CISH: variants seen among roughly 807,000 people sequenced by gnomAD.
CISH encodes the protein cytokine inducible SH2 containing protein.
A neutral mutation model predicts 21.3 loss-of-function variants in CISH; 11 were observed. The observed-to-expected ratio is 0.52, with a 90% CI of 0.32 to 0.85. The LOEUF (loss-of-function observed/expected upper bound fraction) is 0.85, where lower values mean the gene tolerates loss of function less well. Ranked by LOEUF, CISH falls within the 40% of genes least tolerant of loss-of-function variation. The pLI is 0.03. For synonymous variants in CISH, 118 were observed against 142.3 expected (o/e 0.83, Z 1.22); for missense variants, 280 against 351.7 (o/e 0.80, Z 1.63).
In CISH at chr3:50,611,647, C is replaced by T. The variant is rs1417143612; in HGVS notation, c.4G>A (p.Val2Ile). The change falls in exon 1 of 3, where the codon GTC (valine) becomes ATC (isoleucine). Residue 2 changes from valine (V) to isoleucine (I), a missense_variant. Physicochemically the swap from Val to Ile is conservative, Grantham distance 29. Transcript: ENST00000348721. ...CGCGCTTACCCCTGAACGCAGAGGA[C>T]CATGTCCCCGCGGCAGCGGCGACTC... M[V>I]LCVQGPRPLL... is the part of the protein sequence containing the mutation. The T allele has an allele frequency of 2.7e-6, 4 of 1,495,264 alleles. No homozygotes were observed. Among genetic ancestry groups the T allele is most frequent in the South Asian group, 1.3e-5 (1 of 78,620 alleles). The allele number at this position is 1,495,264 out of a possible 1,614,324, so 92.6% of individuals were successfully genotyped here. A position where few individuals can be genotyped will look rare whatever the true frequency, so the allele number is the denominator to read the frequency against.
chr3:50,610,167 C>T, intron 1 of CISH: 1 of 602,940 alleles, frequency 1.7e-6, no homozygotes, highest in Non-Finnish European at 2.9e-6. Context: ...TTTGAGATGA[C>T]CTGCTTGCTG....
In CISH at chr3:50,607,341, G is replaced by A; in HGVS notation, c.*266C>T. 2.0e-6 allele frequency: 1 copy of A among 498,534 alleles called. No homozygotes were observed. The highest frequency in any genetic ancestry group is 5.4e-4 in the Middle Eastern group (1 of 1,844). 30.9% of individuals were successfully genotyped at this position (498,534 alleles called of 1,614,324 possible). A position where few individuals can be genotyped will look rare whatever the true frequency, so the allele number is the denominator to read the frequency against. ...GGAGGTCTGGGCCCAGCCCACAGGTGAGACAAGGTCCTGCCTGTCTCCCCA... is the reference window on the plus strand; with the variant it reads ...GGAGGTCTGGGCCCAGCCCACAGGTAAGACAAGGTCCTGCCTGTCTCCCCA... On this transcript the variant is annotated 3_prime_UTR_variant, in exon 3 of 3. Coordinates refer to ENST00000348721, the MANE Select transcript of CISH (RefSeq NM_145071.4).
Position 50,607,869 on chromosome 3 carries a change from C to T in CISH, c.515G>A (p.Arg172Gln), listed in dbSNP as rs374472627. The change falls in exon 3 of 3, where the codon CGA (arginine) becomes CAA (glutamine). Residue 172 changes from arginine (R) to glutamine (Q), a missense_variant. Coordinates refer to ENST00000348721, the MANE Select transcript of CISH (RefSeq NM_145071.4). ...GGGAGCAGGATCGGGGCTGTCGCTT[C>T]GGGTATCAGCAGTGCAGGAGGCCAC... ...HYVASCTADT[R>Q]SDSPDPAPTP... 15 of 1,613,620 alleles carry T rather than the reference C, an allele frequency of 9.3e-6. No individual in the cohort carries two copies. Among genetic ancestry groups the T allele is most frequent in the South Asian group, 2.2e-5 (2 of 91,084 alleles).
chr3:50,610,201 A>G (rs2032279699), intron 1 of CISH: 2 of 714,298 alleles, frequency 2.8e-6, no homozygotes, highest in Non-Finnish European at 2.4e-6. Context: ...CCTTCCCAGG[A>G]GCATGGTTGG....
intron 1 of CISH, chr3:50,610,721 C>T: frequency 7.7e-7 from 1 of 1,292,292 alleles, no homozygotes; most frequent in African/African-American, 1.5e-5. Context: ...CACCTTCCAC[C>T]CTCCCTCACT....
In CISH at chr3:50,607,601, G is replaced by C. The variant is rs199816251; in HGVS notation, c.*6C>G. On this transcript the variant is annotated 3_prime_UTR_variant, in exon 3 of 3. Coordinates refer to ENST00000348721, the MANE Select transcript of CISH (RefSeq NM_145071.4). ...TGGGTGAGGGTGGGCAGATTGCCCC[G>C]TACAGTCAGAGCTGGAAGGGGTACT... 3.7e-6 allele frequency: 6 copies of C among 1,605,668 alleles called. No individual in the cohort carries two copies. The South Asian group carries it at 6.7e-5, about 18-fold the overall frequency.
chr3:50,607,650 C>A lies in CISH; in HGVS notation c.734G>T (p.Arg245Leu). 3 of 1,613,558 alleles carry A rather than the reference C, an allele frequency of 1.9e-6. No individual in the cohort carries two copies. Among genetic ancestry groups the A allele is most frequent in the South Asian group, 1.1e-5 (1 of 91,056 alleles). The part of the protein sequence containing the change: ...VADVDCLPLP[R>L]RMADYLRQYP... ...CTGTCGGAGGTAGTCGGCCATGCGC[C>A]GGGGCAGTGGCAGGCAGTCCACGTC... is the stretch of plus-strand genomic sequence containing the variant. Residue 245 changes from arginine (R) to leucine (L), a missense_variant, in exon 3 of 3, where the codon CGG becomes CTG. Transcript: ENST00000348721.
In CISH at chr3:50,608,157, A is replaced by T. The variant is rs1489650572; in HGVS notation, c.242-15T>A. The T allele has an allele frequency of 1.3e-6, 2 of 1,584,608 alleles. No homozygotes were observed. The highest frequency in any genetic ancestry group is 4.5e-5 in the East Asian group (2 of 44,514). ...CCAATACCAGCCTAGGCAAGTGCAG[A>T]GGGGGCCAAGGGACATAGTGGAAAT... On this transcript the variant is annotated splice_polypyrimidine_tract_variant and intron_variant, in intron 2 of 2. Coordinates refer to ENST00000348721, the MANE Select transcript of CISH (RefSeq NM_145071.4).
At chr3:50,610,631 CAG>C (rs2032296099) in intron 1 of CISH, 1 of 1,436,880 alleles carries the variant, frequency 7.0e-7, no homozygotes, top group South Asian at 1.5e-5. Context: ...TCCCAGAATG[CAG>C]ACAGGAGGAA....
At chr3:50,610,181 C>G in intron 1 of CISH, 1 of 633,406 alleles carries the variant, frequency 1.6e-6, no homozygotes, top group African/African-American at 1.8e-5. Flanking sequence ...CTTGCTGGGG[C>G]CCAGAGCTAC....
At chr3:50,610,265 G>T in intron 1 of CISH, 2 of 1,295,902 alleles carry the variant, frequency 1.5e-6, no homozygotes, top group Non-Finnish European at 1.1e-6. Flanking sequence ...AGATAGCTTA[G>T]CCGGTCCTCA....
At chr3:50,611,267 C>T in intron 1 of CISH, 3 of 1,150,576 alleles carry the variant, frequency 2.6e-6, no homozygotes, top group Non-Finnish European at 3.2e-6. Context: ...GGGCAGCAGG[C>T]AGGCTAGCGT....
rs1171856800 is a variant in CISH, at chr3:50,607,388, A to C, written c.*219T>G. 8.5e-6 allele frequency: 5 copies of C among 584,894 alleles called. No homozygotes were observed. Among genetic ancestry groups the C allele is most frequent in the Non-Finnish European group, 1.2e-5 (4 of 327,506 alleles). 36.2% of individuals were successfully genotyped at this position (584,894 alleles called of 1,614,324 possible). The stretch of plus-strand genomic sequence containing the variant: ...CCCATCCTCTGACACATGGCTCAGT[A>C]TAATGAAGCCACATGCGGCCTGGGG... On this transcript the variant is annotated 3_prime_UTR_variant, in exon 3 of 3. Transcript: ENST00000348721.
At chr3:50,611,354 T>C in intron 1 of CISH, 1 of 1,343,168 alleles carries the variant, frequency 7.4e-7, no homozygotes, top group Non-Finnish European at 9.5e-7. Flanking sequence ...AGCATCCATC[T>C]GCTCCAATGA....
In CISH at chr3:50,610,455, C is replaced by A. The variant is rs878953842; in HGVS notation, c.20+1176G>T. On this transcript the variant is annotated intron_variant, in intron 1 of 2. Coordinates refer to ENST00000348721, the MANE Select transcript of CISH (RefSeq NM_145071.4). ...TGTTCTAGGTACATGTGTGTGCCCG[C>A]TTTGGAGCGCAGCAGTCTAAAACTT... 1.9e-6 allele frequency: 3 copies of A among 1,551,396 alleles called. No individual in the cohort carries two copies. The African/African-American group carries it at 4.1e-5, about 21-fold the overall frequency.
intron 1 of CISH, chr3:50,609,767 A>T (rs900850875): frequency 6.6e-6 from 1 of 152,362 alleles, no homozygotes; most frequent in African/African-American, 2.4e-5. Context: ...GGGGAAGATG[A>T]CACTAAGAGT....
intron 2 of CISH, 110 bp downstream of exon 2, chr3:50,608,263 A>G: frequency 6.9e-7 from 1 of 1,452,818 alleles, no homozygotes; most frequent in Non-Finnish European, 9.4e-7. Flanking sequence ...TGCCTCTCCC[A>G]TCAGACTCTC....
intron 1 of CISH, chr3:50,608,922 C>T: frequency 3.5e-6 from 1 of 283,568 alleles, no homozygotes. Flanking sequence ...GTCTAATGTT[C>T]TCACCACACT....
rs138469436 is a variant in CISH, at chr3:50,607,979, G to A, written c.405C>T (p.Asp135=). The change falls in exon 3 of 3, where the codon GAC becomes GAT. Residue 135 remains aspartate (D), a synonymous_variant. Transcript: ENST00000348721. ...AGTTGGAGTCCAGACGGAAGCTGGA[G>A]TCGGCATACTCAATGCGTACATTGG... The part of the protein sequence containing the change: ...GPTNVRIEYA[D]SSFRLDSNCL... 1.4e-5 allele frequency: 23 copies of A among 1,613,980 alleles called. No homozygotes were observed. Among genetic ancestry groups the A allele is most frequent in the Middle Eastern group, 1.6e-4 (1 of 6,084 alleles).
Sources: allele counts gnomAD v4.1 joint callset, GRCh38; gene constraint gnomAD v4.1.1; transcripts MANE v1.5; gene names NCBI Gene and HGNC (gene_info 2026-07-23, HGNC 2026-07-21).